Variants in ZNF142 observed in about 807,000 individuals in gnomAD.
The protein encoded by ZNF142 is zinc finger protein 142 (clone pHZ-49).
ZNF142 carries 96 observed loss-of-function variants against 132.1 expected under a neutral mutation model. The observed-to-expected ratio is 0.73, with a 90% CI of 0.62 to 0.86. ZNF142 has a LOEUF of 0.86. Ranked by LOEUF, ZNF142 falls within the 40% of genes least tolerant of loss-of-function variation. ZNF142 has a pLI of 0.00. For synonymous variants in ZNF142, 842 were observed against 890.1 expected, an observed-to-expected ratio of 0.95 and a Z score of 0.96; for missense variants, 2,163 against 2,336.2, an observed-to-expected ratio of 0.93 and a Z score of 1.53.
At chr2:218,646,981 T>C (rs1697782781) in intron 7 of ZNF142, among the ~76,000 whole-genome samples, 1 of 149,340 alleles carries the variant, frequency 6.7e-6, no homozygotes, top group Admixed American at 6.8e-5. Context: ...TTCTGTTTTC[T>C]AGAACAAAAG....
In ZNF142 at chr2:218,636,258, G is replaced by C. The variant is rs1293954280; in HGVS notation, c.*2081C>G. 6.2e-7 allele frequency: 1 copy of C among 1,613,960 alleles called. No individual in the cohort carries two copies. The highest frequency in any genetic ancestry group is 1.1e-5 in the South Asian group (1 of 91,082). Reference sequence around the variant, plus strand: ...ACCAACTCAGGTTTTAATCCATACTGGGGGCAGACACTATGTTTCCGGGTG... The same window carrying C: ...ACCAACTCAGGTTTTAATCCATACTCGGGGCAGACACTATGTTTCCGGGTG... On this transcript the variant is annotated 3_prime_UTR_variant, in exon 11 of 11. Transcript: ENST00000411696.
At position 218,643,500 on chromosome 2, in the gene ZNF142, G is replaced by C. The variant is rs1162134997; in HGVS notation, c.3616C>G (p.Pro1206Ala). 1.9e-6 allele frequency: 3 copies of C among 1,613,922 alleles called. No homozygotes were observed. The highest frequency in any genetic ancestry group is 3.3e-5 in the Admixed American group (2 of 59,988). ...PKKHHLDPVP[P>A]AGNSSPTEAL... ...TCTGTGGGTGAGGAGTTTCCTGCAGGAGGGACTGGGTCAAGGTGGTGCTTC... is the reference window on the plus strand; with the variant it reads ...TCTGTGGGTGAGGAGTTTCCTGCAGCAGGGACTGGGTCAAGGTGGTGCTTC... The change falls in exon 9 of 11, where the codon CCT becomes GCT. Residue 1206 changes from proline to alanine, a missense_variant. Transcript: ENST00000411696.
Position 218,646,364 on chromosome 2 carries a change from C to T in ZNF142, c.1874-16G>A, listed in dbSNP as rs780292838. 13 of 1,612,750 alleles carry T rather than the reference C, an allele frequency of 8.1e-6. No homozygotes were observed. The highest frequency in any genetic ancestry group is 2.2e-5 in the East Asian group (1 of 44,886). The stretch of plus-strand genomic sequence containing the variant: ...GGCTTCTCACCTTATATGGGGGATG[C>T]GGATGAAGGGAGAGAACACAGGTCA... On this transcript the variant is annotated splice_polypyrimidine_tract_variant and intron_variant, in intron 7 of 10. Transcript: ENST00000411696.
At position 218,649,048 on chromosome 2, in the gene ZNF142, C is replaced by A; in HGVS notation, c.1460G>T (p.Arg487Leu). ...AAAAAEPLPL[R>L]CFQEGCSYAA... ...ATAGCTGCAGCCCTCCTGAAAGCAG[C>A]GAAGGGGTAATGGCTCTGCTGCGGC... The change falls in exon 7 of 11, where the codon CGC becomes CTC. Residue 487 changes from arginine to leucine, a missense_variant. This residue lies in a region of ZNF142 where 749 missense variants were observed against 830.3 expected (regional missense o/e 0.90). Coordinates refer to ENST00000411696, the MANE Select transcript of ZNF142 (RefSeq NM_001379659.1). The A allele has an allele frequency of 6.2e-7, 1 of 1,613,518 alleles. No individual in the cohort carries two copies. Among genetic ancestry groups the A allele is most frequent in the Non-Finnish European group, 8.5e-7 (1 of 1,180,044 alleles).
chr2:218,633,798 G>A lies in ZNF142; in HGVS notation c.*4541C>T, dbSNP rs1169465545. The stretch of plus-strand genomic sequence containing the variant: ...AATGGAGGGATGGGGAGGGAAGTGG[G>A]ATGGATAGGTTCAGGCCTGATGGAC... On this transcript the variant is annotated 3_prime_UTR_variant, in exon 11 of 11. Transcript: ENST00000411696. 1 of 1,609,558 alleles carries A rather than the reference G, an allele frequency of 6.2e-7. No homozygotes were observed. Among genetic ancestry groups the A allele is most frequent in the Admixed American group, 1.7e-5 (1 of 59,790 alleles).
In ZNF142 at chr2:218,651,948, C is replaced by T. The variant is rs1251076005; in HGVS notation, c.633G>A (p.Gln211=). Residue 211 remains glutamine, a synonymous_variant, in exon 5 of 11, where the codon CAG becomes CAA. Coordinates refer to ENST00000411696, the MANE Select transcript of ZNF142 (RefSeq NM_001379659.1). ...VFSAEDRKGL[Q]HHLRQTHRAV... ...CTCTGTGAGTCTGCCTCAGGTGGTG[C>T]TGCAGACCCTTGCGATCTTCAGCAG... 6.4e-6 allele frequency: 7 copies of T among 1,097,062 alleles called. No homozygotes were observed. The highest frequency in any genetic ancestry group is 2.3e-4 in the Middle Eastern group (1 of 4,322). The allele number at this position is 1,097,062 out of a possible 1,614,324, so 68.0% of individuals were successfully genotyped here.
rs563151110 is a variant in ZNF142, at chr2:218,640,033, G to A, written c.5194+631C>T. ...GCTTAGATTGCGCCACTGCACTCCA[G>A]GCTGGGCAACAGAGCGAGACTCTGT... On this transcript the variant is annotated intron_variant, in intron 10 of 10. Coordinates refer to ENST00000411696, the MANE Select transcript of ZNF142 (RefSeq NM_001379659.1). Among the ~76,000 whole-genome samples the A allele has an allele frequency of 4.7e-4, 59 of 126,444 alleles. 1 individual carries two copies. The highest frequency in any genetic ancestry group is 1.8e-3 in the African/African-American group (57 of 32,546). The allele number at this position is 126,444 out of a possible 152,430, so 83.0% of individuals were successfully genotyped here. A position where few individuals can be genotyped will look rare whatever the true frequency, so the allele number is the denominator to read the frequency against.
chr2:218,657,183 TTCA>T (rs1466925940), intron 3 of ZNF142, among the ~76,000 whole-genome samples: 1 of 152,120 alleles, frequency 6.6e-6, no homozygotes, highest in Admixed American at 6.5e-5. Context: ...AGGCCCTTCC[TTCA>T]TCATCTGGCT....
At position 218,648,814 on chromosome 2, in the gene ZNF142, C is replaced by T. The variant is rs1349313523; in HGVS notation, c.1694G>A (p.Gly565Asp). ...KHLFRKHKKQGHPGSEELRCT... is the reference protein window; with the variant it reads ...KHLFRKHKKQDHPGSEELRCT... ...GCGCAGCTCTTCACTGCCAGGGTGGCCCTGCTTCTTGTGTTTACGGAATAG... is the reference window on the plus strand; with the variant it reads ...GCGCAGCTCTTCACTGCCAGGGTGGTCCTGCTTCTTGTGTTTACGGAATAG... Residue 565 changes from glycine (G) to aspartate (D), a missense_variant, in exon 7 of 11, where the codon GGC becomes GAC. Physicochemically the swap from Gly to Asp is moderately conservative, Grantham distance 94 (BLOSUM62 -1). This residue lies in a region of ZNF142 where 749 missense variants were observed against 830.3 expected (regional missense o/e 0.90). Transcript: ENST00000411696. 1.9e-6 allele frequency: 3 copies of T among 1,614,050 alleles called. No individual in the cohort carries two copies. In the African/African-American group the frequency reaches 4.0e-5, roughly 22 times the overall value.
chr2:218,643,160 A>G lies in ZNF142; in HGVS notation c.3956T>C (p.Leu1319Pro), dbSNP rs891058729. 2.5e-6 allele frequency: 4 copies of G among 1,614,122 alleles called. No homozygotes were observed. ...CPFSCQQERA[L>P]RTHQIRGCPL... Reference sequence around the variant, plus strand: ...GCAGCCCCGGATCTGGTGAGTCCTCAGAGCCCGTTCCTGCTGGCAGCTAAA... The same window carrying G: ...GCAGCCCCGGATCTGGTGAGTCCTCGGAGCCCGTTCCTGCTGGCAGCTAAA... The change falls in exon 9 of 11, where the codon CTG becomes CCG. Residue 1319 changes from leucine to proline, a missense_variant. Coordinates refer to ENST00000411696, the MANE Select transcript of ZNF142 (RefSeq NM_001379659.1).
intron 3 of ZNF142, among the ~76,000 whole-genome samples, chr2:218,657,616 G>A (rs981894434): frequency 4.6e-5 from 7 of 152,092 alleles, no homozygotes; most frequent in African/African-American, 1.7e-4. Context: ...TTTTAGTAGA[G>A]ATGGGGTTTC....
intron 9 of ZNF142, 115 bp from the exon 10 acceptor site, chr2:218,640,884 C>A: frequency 8.4e-6 from 6 of 711,380 alleles, no homozygotes; most frequent in Non-Finnish European, 7.0e-6. Context: ...GGCAAGCAGA[C>A]ATTATGGAAC....
In ZNF142 at chr2:218,649,464, G is replaced by A. The variant is rs1257355282; in HGVS notation, c.1049-5C>T. 6.3e-7 allele frequency: 1 copy of A among 1,576,264 alleles called. No homozygotes were observed. The highest frequency in any genetic ancestry group is 8.6e-7 in the Non-Finnish European group (1 of 1,160,080). ...CGGTGCCAGAGACCACATCCCCTGG[G>A]AAAGGGAATACAGAGAGTTGAGAGA... On this transcript the variant is annotated splice_polypyrimidine_tract_variant and splice_region_variant and intron_variant, in intron 6 of 10. Coordinates refer to ENST00000411696, the MANE Select transcript of ZNF142 (RefSeq NM_001379659.1).
chr2:218,635,886 C>G lies in ZNF142; in HGVS notation c.*2453G>C. On this transcript the variant is annotated 3_prime_UTR_variant, in exon 11 of 11. Coordinates refer to ENST00000411696, the MANE Select transcript of ZNF142 (RefSeq NM_001379659.1). Reference sequence around the variant, plus strand: ...GGTGAAAGTGCAGATCTTTGGCGTTCGTCTAGACACAGCACGGCAGGAGAC... The same window carrying G: ...GGTGAAAGTGCAGATCTTTGGCGTTGGTCTAGACACAGCACGGCAGGAGAC... 1 of 1,613,920 alleles carries G rather than the reference C, an allele frequency of 6.2e-7. No homozygotes were observed. The highest frequency in any genetic ancestry group is 1.1e-5 in the South Asian group (1 of 91,070).
intron 10 of ZNF142, among the ~76,000 whole-genome samples, chr2:218,640,061 CAAAAAAAAAAAAAAAAA>C (rs35136548): frequency 6.8e-5 from 3 of 44,316 alleles, no homozygotes; most frequent in African/African-American, 3.0e-4. Flanking sequence ...GACTCTGTCT[CAAAAAAAAAAAAAAAAA>C]AAAAAAAAAA....
Position 218,633,897 on chromosome 2 carries a change from G to C in ZNF142, c.*4442C>G. 1 of 1,252,566 alleles carries C rather than the reference G, an allele frequency of 8.0e-7. No individual in the cohort carries two copies. The highest frequency in any genetic ancestry group is 1.1e-6 in the Non-Finnish European group (1 of 890,912). 77.6% of individuals were successfully genotyped at this position (1,252,566 alleles called of 1,614,324 possible). On this transcript the variant is annotated 3_prime_UTR_variant, in exon 11 of 11. Transcript: ENST00000411696. ...AGGAGTTCAGAAACTCCTTAGAGCA[G>C]ACAAGGGCAGAGGAGTTATGAATAG...
Position 218,651,798 on chromosome 2 carries a change from G to A in ZNF142, c.783C>T (p.Asn261=), listed in dbSNP as rs1474265012. Residue 261 remains asparagine, a synonymous_variant, in exon 5 of 11, where the codon AAC becomes AAT. Transcript: ENST00000411696. ...HCSHCSFIGS[N]VKLFRQHQRS... ...GCTGATGCTGCCGGAAGAGTTTGAC[G>A]TTGGAGCCTATGAAGCTGCAGTGGC... 3.9e-6 allele frequency: 5 copies of A among 1,289,776 alleles called. No individual in the cohort carries two copies. The highest frequency in any genetic ancestry group is 1.5e-5 in the African/African-American group (1 of 65,892). 79.9% of individuals were successfully genotyped at this position (1,289,776 alleles called of 1,614,324 possible).
rs774048917 is a variant in ZNF142 at position 218,636,385 on chromosome 2, G to C, written c.*1954C>G. On this transcript the variant is annotated 3_prime_UTR_variant, in exon 11 of 11. Transcript: ENST00000411696. ...AGTACACCCTGCCTTGGACCTGCAT[G>C]CAACAAGGTGAGCCAGCCCCTTTGG... 3 of 1,614,016 alleles carry C rather than the reference G, an allele frequency of 1.9e-6. No homozygotes were observed. The highest frequency in any genetic ancestry group is 2.5e-6 in the Non-Finnish European group (3 of 1,179,898).
Position 218,642,099 on chromosome 2 carries a change from T to C in ZNF142, c.5017A>G (p.Ile1673Val), listed in dbSNP as rs764228496. ...TGGTAAGGCTTTTCCCCAGTGTGGA[T>C]GCGGCTGTGCCAGGTGATCTTCTGT... ...NRQKITWHSR[I>V]HTGEKPYHCH... The change falls in exon 9 of 11, where the codon ATC becomes GTC. Residue 1673 changes from isoleucine to valine, a missense_variant. This residue lies in a region of ZNF142 where 325 missense variants were observed against 367.8 expected (regional missense o/e 0.88). Transcript: ENST00000411696. This position sits in a 1 kb window ranked among gnomAD's most constrained non-coding sequence, Gnocchi z 4.6. The C allele has an allele frequency of 1.1e-5, 17 of 1,614,098 alleles. No individual in the cohort carries two copies. The highest frequency in any genetic ancestry group is 1.4e-5 in the Non-Finnish European group (16 of 1,180,040).
Sources: gnomAD v4.1 joint callset for allele counts (sites outside exome capture counted in the v4.1 genomes callset) on GRCh38, gnomAD v4.1.1 for gene constraint, gnomAD v4.1.1 regional missense constraint, Gnocchi (gnomAD v3.1) non-coding constraint, MANE v1.5 for transcripts, NCBI Gene and HGNC (gene_info 2026-07-23, HGNC 2026-07-21) for gene names.